Variants in LPGAT1 observed in about 807,000 individuals in gnomAD.
LPGAT1 encodes the protein lysophosphatidylglycerol acyltransferase 1.
LPGAT1 carries 11 observed loss-of-function variants against 47.5 expected under a neutral mutation model. The ratio of observed to expected loss-of-function variants is 0.23; its 90% CI spans 0.15 to 0.38. The LOEUF (loss-of-function observed/expected upper bound fraction) is 0.38, where lower values mean the gene tolerates loss of function less well. Among genes scored for constraint, LPGAT1 ranks in the 10% least tolerant of loss-of-function variants. The pLI, the probability that LPGAT1 is intolerant of heterozygous loss-of-function variation, is 1.00. For missense variants in LPGAT1, 293 were observed against 439.0 expected, an observed-to-expected ratio of 0.67 and a Z score of 2.97; for synonymous variants, 138 against 144.2, an observed-to-expected ratio of 0.96 and a Z score of 0.31.
intron 3 of LPGAT1, among the ~76,000 whole-genome samples, chr1:211,790,491 G>C (rs1308575406): frequency 6.6e-6 from 1 of 152,102 alleles, no homozygotes; most frequent in African/African-American, 2.4e-5. Context: ...TCCTACTAGT[G>C]AATACAAATT....
At chr1:211,780,288 G>A (rs913471123) in intron 5 of LPGAT1, among the ~76,000 whole-genome samples, 1 of 152,200 alleles carries the variant, frequency 6.6e-6, no homozygotes, top group Admixed American at 6.5e-5. Flanking sequence ...CTGCCCTTTG[G>A]AAGGTACAAC....
At chr1:211,801,828 C>T (rs1424521725) in intron 2 of LPGAT1, among the ~76,000 whole-genome samples, 2 of 151,762 alleles carry the variant, frequency 1.3e-5, no homozygotes, top group African/African-American at 4.8e-5. Flanking sequence ...TCCTGTAATC[C>T]CAGCACTTTG....
At chr1:211,820,737 T>C (rs1481895641) in intron 2 of LPGAT1, among the ~76,000 whole-genome samples, 1 of 152,004 alleles carries the variant, frequency 6.6e-6, no homozygotes, top group Non-Finnish European at 1.5e-5. Flanking sequence ...TACATATAAC[T>C]AAGGTCTCCA....
intron 6 of LPGAT1, among the ~76,000 whole-genome samples, chr1:211,771,766 G>A (rs571017181): frequency 6.6e-6 from 1 of 152,120 alleles, no homozygotes; most frequent in East Asian, 1.9e-4. Context: ...GCCTCCCAAA[G>A]TGCTGGGATT....
intron 6 of LPGAT1, among the ~76,000 whole-genome samples, chr1:211,754,273 T>G (rs1657339986): frequency 6.6e-6 from 1 of 152,240 alleles, no homozygotes; most frequent in Admixed American, 6.5e-5. Context: ...CCAAGTTTAG[T>G]AATGCTTTCA....
At chr1:211,800,932 C>T (rs780715416) in intron 2 of LPGAT1, among the ~76,000 whole-genome samples, 14 of 152,204 alleles carry the variant, frequency 9.2e-5, no homozygotes, top group African/African-American at 2.9e-4. Flanking sequence ...ACAATCTCCT[C>T]TAGGGAATTT....
At position 211,830,286 on chromosome 1, in the gene LPGAT1, G is replaced by C; in HGVS notation, c.-28+287C>G. 1 of 1,040,572 alleles carries C rather than the reference G, an allele frequency of 9.6e-7. No homozygotes were observed. Among genetic ancestry groups the C allele is most frequent in the African/African-American group, 1.7e-5 (1 of 58,790 alleles). The allele number at this position is 1,040,572 out of a possible 1,614,324, so 64.5% of individuals were successfully genotyped here. A position where few individuals can be genotyped will look rare whatever the true frequency, so the allele number is the denominator to read the frequency against. On this transcript the variant is annotated intron_variant, in intron 1 of 7. Transcript: ENST00000366997. This position sits in a 1 kb window ranked among gnomAD's most constrained non-coding sequence, Gnocchi z 5.9. ...GGTGGCGGCCCAAGCGGCCCGAGGC[G>C]CTGCGCGAGCGGGCGCGCTGGCGCC... is the stretch of plus-strand genomic sequence containing the variant.
intron 6 of LPGAT1, among the ~76,000 whole-genome samples, chr1:211,769,042 T>G: frequency 6.6e-6 from 1 of 151,824 alleles, no homozygotes; most frequent in Admixed American, 6.6e-5. Context: ...ACTTCAGGGG[T>G]TTTTAGATGG....
At chr1:211,767,366 C>T (rs1378534182) in intron 6 of LPGAT1, among the ~76,000 whole-genome samples, 2 of 152,092 alleles carry the variant, frequency 1.3e-5, no homozygotes, top group Non-Finnish European at 2.9e-5. Context: ...GAACTCCTGA[C>T]CTCAAGTGAT....
chr1:211,761,024 C>T (rs182232642), intron 6 of LPGAT1, among the ~76,000 whole-genome samples: 21 of 152,100 alleles, frequency 1.4e-4, no homozygotes, highest in African/African-American at 5.1e-4. Context: ...TTTTTGCAGC[C>T]TATGTAGCGC....
Position 211,744,959 on chromosome 1 carries a change from A to G in LPGAT1, c.*4940T>C, listed in dbSNP as rs1319556849. On this transcript the variant is annotated 3_prime_UTR_variant, in exon 8 of 8. Transcript: ENST00000366997. Reference sequence around the variant, plus strand: ...GGTAAAACACACATGCCCCATCCCCACTGCTAAGAATTAAAAGCACTTTAA... The same window carrying G: ...GGTAAAACACACATGCCCCATCCCCGCTGCTAAGAATTAAAAGCACTTTAA... 1 of 152,646 alleles carries G rather than the reference A, an allele frequency of 6.6e-6. No individual in the cohort carries two copies. The highest frequency in any genetic ancestry group is 1.5e-5 in the Non-Finnish European group (1 of 68,036). The allele number at this position is 152,646 out of a possible 1,614,324, so 9.5% of individuals were successfully genotyped here.
intron 2 of LPGAT1, among the ~76,000 whole-genome samples, chr1:211,815,746 T>G (rs2102594846): frequency 6.6e-6 from 1 of 151,836 alleles, no homozygotes; most frequent in South Asian, 2.1e-4. Context: ...GCCTTCCCTT[T>G]GTTCCTCAAA....
At chr1:211,818,681 A>G (rs932247423) in intron 2 of LPGAT1, among the ~76,000 whole-genome samples, 2 of 152,234 alleles carry the variant, frequency 1.3e-5, no homozygotes, top group Non-Finnish European at 2.9e-5. Context: ...TTTGGAGTGC[A>G]CTAGTGATCT....
Position 211,799,014 on chromosome 1 carries a change from C to A in LPGAT1, c.239-5824G>T, listed in dbSNP as rs1659464738. 3.3e-5 allele frequency among the ~76,000 whole-genome samples: 5 copies of A among 152,274 alleles called. No homozygotes were observed. The South Asian group carries it at 1.0e-3, about 32-fold the overall frequency. Reference sequence around the variant, plus strand: ...TCTCCATAACATTCTAGTCAAGCTTCCCAAGGGAAGGCCCAGACTTTTGAA... The same window carrying A: ...TCTCCATAACATTCTAGTCAAGCTTACCAAGGGAAGGCCCAGACTTTTGAA... On this transcript the variant is annotated intron_variant, in intron 2 of 7. Coordinates refer to ENST00000366997, the MANE Select transcript of LPGAT1 (RefSeq NM_014873.3).
At chr1:211,811,528 G>A (rs534547687) in intron 2 of LPGAT1, among the ~76,000 whole-genome samples, 1 of 152,322 alleles carries the variant, frequency 6.6e-6, no homozygotes, top group East Asian at 1.9e-4. Flanking sequence ...AGGCCAAGGT[G>A]GGTGGACTAC....
At chr1:211,771,078 CAG>C (rs76761507) in intron 6 of LPGAT1, among the ~76,000 whole-genome samples, 13 of 144,590 alleles carry the variant, frequency 9.0e-5, no homozygotes, top group Admixed American at 4.9e-4. Context: ...GCCTGAGCAA[CAG>C]AGAGAGAGAC....
At chr1:211,777,940 G>C (rs1355817602) in intron 6 of LPGAT1, among the ~76,000 whole-genome samples, 1 of 152,142 alleles carries the variant, frequency 6.6e-6, no homozygotes, top group African/African-American at 2.4e-5. Flanking sequence ...AAAGCAAGAT[G>C]GCCACAAGAG....
At chr1:211,828,905 A>C (rs1393075700) in intron 2 of LPGAT1, among the ~76,000 whole-genome samples, 154 bp downstream of exon 2, 1 of 152,226 alleles carries the variant, frequency 6.6e-6, no homozygotes. Flanking sequence ...TCTTCCTGAG[A>C]TTCTGAAGAG....
At chr1:211,810,335 C>T (rs531830640) in intron 2 of LPGAT1, among the ~76,000 whole-genome samples, 150 of 152,048 alleles carry the variant, frequency 9.9e-4, no homozygotes, top group South Asian at 2.3e-3. Context: ...TAGAACGTGA[C>T]GGAAGATAGA....
Sources: allele counts gnomAD v4.1 joint callset (sites outside exome capture counted in the v4.1 genomes callset), GRCh38; gene constraint gnomAD v4.1.1; non-coding constraint Gnocchi (gnomAD v3.1); transcripts MANE v1.5; gene names NCBI Gene and HGNC (gene_info 2026-07-23, HGNC 2026-07-21).